The following CCDC181 variants were observed in gnomAD, a reference collection of about 807,000 sequenced individuals.
CCDC181 encodes the protein coiled-coil domain containing 181, also known as coiled-coil domain-containing protein 181.
A neutral mutation model predicts 58.7 loss-of-function variants in CCDC181; 35 were observed. The observed-to-expected ratio is 0.60, with a 90% confidence interval of 0.46 to 0.79. The LOEUF (loss-of-function observed/expected upper bound fraction) is 0.79, where lower values mean the gene tolerates loss of function less well. CCDC181 is among the 30% of genes least tolerant of loss of function. The probability of loss-of-function intolerance (pLI) is 0.00; values close to 1 mark genes in which losing one functional copy is unlikely to be tolerated. For missense variants in CCDC181, 517 were observed against 583.9 expected, an observed-to-expected ratio of 0.89 and a Z score of 1.18; for synonymous variants, 183 against 197.5, an observed-to-expected ratio of 0.93 and a Z score of 0.62.
chr1:169,410,708 A>C (rs1655917465), intron 4 of CCDC181, among the ~76,000 whole-genome samples: 1 of 152,226 alleles, frequency 6.6e-6, no homozygotes, highest in Non-Finnish European at 1.5e-5. Flanking sequence ...ACCACAGTGC[A>C]ATCAAATTAG....
chr1:169,405,862 C>CA (rs1396796233), intron 4 of CCDC181, among the ~76,000 whole-genome samples: 2 of 152,166 alleles, frequency 1.3e-5, no homozygotes, highest in Non-Finnish European at 2.9e-5. Flanking sequence ...TCAGAGTGAA[C>CA]AGGCAACCTA....
chr1:169,430,358 T>C (rs535460744), upstream of CCDC181, among the ~76,000 whole-genome samples: 2 of 152,282 alleles, frequency 1.3e-5, no homozygotes, highest in Admixed American at 6.5e-5. Flanking sequence ...GGGAATTGCA[T>C]TGAGTTTGTA....
intron 2 of CCDC181, among the ~76,000 whole-genome samples, chr1:169,448,470 C>CT (rs970900166): frequency 3.0e-4 from 45 of 151,138 alleles, no homozygotes; most frequent in South Asian, 4.2e-4. Flanking sequence ...GGTTACAGGG[C>CT]TTTTTTTTTC....
intron 4 of CCDC181, among the ~76,000 whole-genome samples, chr1:169,405,817 A>T (rs1209145097): frequency 1.3e-5 from 2 of 152,208 alleles, no homozygotes; most frequent in Non-Finnish European, 2.9e-5. Context: ...ATCTAATTAA[A>T]ATAAAGAGCT....
At chr1:169,418,020 T>C (rs1420030972) in intron 4 of CCDC181, among the ~76,000 whole-genome samples, 1 of 152,148 alleles carries the variant, frequency 6.6e-6, no homozygotes, top group Non-Finnish European at 1.5e-5. Flanking sequence ...TCACACACCG[T>C]TGGAGGAACA....
chr1:169,434,822 A>C (rs1032087133), intron 2 of CCDC181, among the ~76,000 whole-genome samples: 1 of 152,048 alleles, frequency 6.6e-6, no homozygotes, highest in Non-Finnish European at 1.5e-5. Flanking sequence ...AGCCAGAGCA[A>C]TTAGGCAAGA....
chr1:169,411,676 G>A (rs1049791495), intron 4 of CCDC181, among the ~76,000 whole-genome samples: 4 of 150,890 alleles, frequency 2.7e-5, no homozygotes, highest in Admixed American at 2.6e-4. Context: ...ACATGAAAAA[G>A]TTCAACATCA....
At chr1:169,433,717 C>T (rs1345990781) in intron 2 of CCDC181, among the ~76,000 whole-genome samples, 3 of 151,990 alleles carry the variant, frequency 2.0e-5, no homozygotes, top group African/African-American at 7.2e-5. Context: ...TCTGGGAAAA[C>T]TGGATATCCA....
intron 2 of CCDC181, among the ~76,000 whole-genome samples, chr1:169,445,763 G>A (rs931192999): frequency 1.4e-4 from 22 of 152,090 alleles, no homozygotes; most frequent in African/African-American, 5.1e-4. Context: ...TCTGGGCTTA[G>A]TGCTTTCTTT....
At chr1:169,455,667 A>T (rs1405254576) in intron 2 of CCDC181, among the ~76,000 whole-genome samples, 2 of 152,158 alleles carry the variant, frequency 1.3e-5, no homozygotes, top group African/African-American at 4.8e-5. Context: ...AATTCATAAG[A>T]TACAAAAACT....
At chr1:169,434,527 C>T (rs114082906) in intron 2 of CCDC181, among the ~76,000 whole-genome samples, 1,701 of 152,056 alleles carry the variant, frequency 0.011, 19 homozygotes, top group Middle Eastern at 0.024. Context: ...AATGTTGAAG[C>T]AACCCAAGTG....
chr1:169,432,526 C>T (rs1192194872), intron 2 of CCDC181, among the ~76,000 whole-genome samples: 1 of 152,080 alleles, frequency 6.6e-6, no homozygotes, highest in Non-Finnish European at 1.5e-5. Flanking sequence ...AAACAAACCT[C>T]CACTGAAGCA....
intron 4 of CCDC181, 147 bp from the exon 5 acceptor site, chr1:169,397,538 A>G: frequency 1.6e-6 from 1 of 619,152 alleles, no homozygotes; most frequent in Non-Finnish European, 2.6e-6. Context: ...CTAGTATCCA[A>G]ACCAAATACA....
chr1:169,448,864 T>C (rs185274158), intron 2 of CCDC181, among the ~76,000 whole-genome samples: 4 of 152,186 alleles, frequency 2.6e-5, no homozygotes, highest in Admixed American at 2.0e-4. Flanking sequence ...AATTCACTTA[T>C]CTGTTTTATT....
upstream of CCDC181, among the ~76,000 whole-genome samples, chr1:169,429,907 A>G (rs1288743952): frequency 6.6e-6 from 1 of 152,178 alleles, no homozygotes; most frequent in East Asian, 1.9e-4. Context: ...GGTTTTTCCA[A>G]TGCTATCTTC....
chr1:169,458,186 TTTG>T (rs1657731553), intron 2 of CCDC181, among the ~76,000 whole-genome samples: 1 of 137,194 alleles, frequency 7.3e-6, no homozygotes, highest in African/African-American at 2.7e-5. Flanking sequence ...TTTTTTTTTT[TTTG>T]TTTTGTTTTT....
At position 169,424,875 on chromosome 1, in the gene CCDC181, T is replaced by G. The variant is rs1363342128; in HGVS notation, c.53A>C (p.Asp18Ala). The G allele has an allele frequency of 6.2e-7, 1 of 1,609,422 alleles. No individual in the cohort carries two copies. The highest frequency in any genetic ancestry group is 1.1e-5 in the South Asian group (1 of 90,750). ...TAACCACTCCAGGTCCTTTTCAAAG[T>G]CATCTTCGTATTCTTCACTTTTCTT... ...DSKKSEEYED[D>A]FEKDLEWLIN... is the part of the protein sequence containing the mutation. Residue 18 changes from aspartate (D) to alanine (A), a missense_variant, in exon 2 of 6, where the codon GAC becomes GCC. Transcript: ENST00000367806.
intron 2 of CCDC181, among the ~76,000 whole-genome samples, chr1:169,451,826 A>T (rs1657550063): frequency 6.6e-6 from 1 of 152,084 alleles, no homozygotes; most frequent in Non-Finnish European, 1.5e-5. Flanking sequence ...CAGAGGAGTC[A>T]AAGATAACTT....
At chr1:169,406,193 T>G (rs547234430) in intron 4 of CCDC181, among the ~76,000 whole-genome samples, 1 of 152,172 alleles carries the variant, frequency 6.6e-6, no homozygotes, top group Non-Finnish European at 1.5e-5. Flanking sequence ...TTTTACAGTG[T>G]TGGTGGGAGT....
Sources: gnomAD v4.1 joint callset for allele counts (sites outside exome capture counted in the v4.1 genomes callset) on GRCh38, gnomAD v4.1.1 for gene constraint, MANE v1.5 for transcripts, NCBI Gene and HGNC (gene_info 2026-07-23, HGNC 2026-07-21) for gene names.